LRRC7: variants seen among roughly 807,000 people sequenced by gnomAD.
LRRC7 encodes leucine-rich repeat-containing protein 7.
LRRC7 carries 23 observed loss-of-function variants against 175.7 expected under a neutral mutation model. The ratio of observed to expected loss-of-function variants is 0.13; its 90% confidence interval spans 0.09 to 0.19. The LOEUF (loss-of-function observed/expected upper bound fraction) is 0.19, where lower values mean the gene tolerates loss of function less well. LRRC7 is among the 10% of genes least tolerant of loss of function. The probability of loss-of-function intolerance (pLI) is 1.00; values close to 1 mark genes in which losing one functional copy is unlikely to be tolerated. For synonymous variants in LRRC7, 685 were observed against 680.9 expected, an observed-to-expected ratio of 1.01 and a Z score of -0.09; for missense variants, 1,354 against 1,904.7, an observed-to-expected ratio of 0.71 and a Z score of 5.38.
intron 26 of LRRC7, among the ~76,000 whole-genome samples, chr1:70,109,920 T>C (rs1320234095): frequency 2.0e-5 from 3 of 152,228 alleles, no homozygotes; most frequent in Non-Finnish European, 2.9e-5. Context: ...CCTACTAGAA[T>C]GTGAAGCTGG....
intron 8 of LRRC7, among the ~76,000 whole-genome samples, chr1:69,950,233 A>T (rs1649778735): frequency 6.6e-6 from 1 of 152,178 alleles, no homozygotes; most frequent in African/African-American, 2.4e-5. Context: ...ATATGGATGG[A>T]TGGATGGATG....
At position 70,135,511 on chromosome 1, in the gene LRRC7, T is replaced by C. The variant is rs935302067; in HGVS notation, c.*13624T>C. Among the ~76,000 whole-genome samples the C allele has an allele frequency of 2.6e-5, 4 of 152,134 alleles. No homozygotes were observed. The highest frequency in any genetic ancestry group is 5.9e-5 in the Non-Finnish European group (4 of 68,018). On this transcript the variant is annotated 3_prime_UTR_variant, in exon 27 of 27. Transcript: ENST00000651989. ...GAAGAGAAGAGAGCAGGAGAAGCTG[T>C]CACTTAAAATGCACTGAGATCCTTT...
chr1:69,590,951 A>T (rs1380257754), intron 1 of LRRC7, among the ~76,000 whole-genome samples: 1 of 152,154 alleles, frequency 6.6e-6, no homozygotes, highest in Non-Finnish European at 1.5e-5. Context: ...ATAAAATGTC[A>T]GAGACAAGTA....
intron 8 of LRRC7, among the ~76,000 whole-genome samples, chr1:69,975,826 A>G (rs772604223): frequency 6.6e-5 from 10 of 151,498 alleles, no homozygotes; most frequent in Admixed American, 2.0e-4. Flanking sequence ...CCTCACTTCT[A>G]TTCAGTGTCA....
chr1:69,636,194 T>C (rs1653327171), intron 1 of LRRC7, among the ~76,000 whole-genome samples: 1 of 152,026 alleles, frequency 6.6e-6, no homozygotes, highest in Non-Finnish European at 1.5e-5. Flanking sequence ...ATTTGTGTTT[T>C]CAGGTCATGC....
intron 2 of LRRC7, among the ~76,000 whole-genome samples, chr1:69,712,622 A>C (rs1664898470): frequency 6.6e-6 from 1 of 152,116 alleles, no homozygotes. Flanking sequence ...AAACAAACCA[A>C]CAACAAAAAA....
At chr1:69,628,350 T>G (rs531015627) in intron 1 of LRRC7, among the ~76,000 whole-genome samples, 1 of 152,192 alleles carries the variant, frequency 6.6e-6, no homozygotes, top group East Asian at 1.9e-4. Flanking sequence ...ACAAGTGAAA[T>G]ATGAAATTAA....
intron 1 of LRRC7, among the ~76,000 whole-genome samples, chr1:69,616,620 A>G (rs539273628): frequency 5.9e-5 from 9 of 152,232 alleles, no homozygotes; most frequent in Non-Finnish European, 1.3e-4. Context: ...GTAATAATGT[A>G]AAGCTCAGAC....
chr1:70,094,916 C>T, intron 25 of LRRC7, among the ~76,000 whole-genome samples: 1 of 152,056 alleles, frequency 6.6e-6, no homozygotes, highest in East Asian at 1.9e-4. Flanking sequence ...CAGGTTTTCT[C>T]CATGGATATA....
At chr1:69,838,185 A>G (rs1167826142) in intron 6 of LRRC7, 42 bp from the exon 7 acceptor site, 2 of 1,422,152 alleles carry the variant, frequency 1.4e-6, no homozygotes, top group Non-Finnish European at 2.0e-6. Context: ...AATTTTTTAG[A>G]CAGACATACT....
chr1:69,572,752 ACT>A (rs1305579502), intron 1 of LRRC7, among the ~76,000 whole-genome samples: 1 of 152,140 alleles, frequency 6.6e-6, no homozygotes, highest in South Asian at 2.1e-4. Flanking sequence ...CTATTTTATA[ACT>A]GCAGGACATA....
At chr1:69,920,030 G>A in intron 7 of LRRC7, 1 of 430,180 alleles carries the variant, frequency 2.3e-6, no homozygotes, top group Non-Finnish European at 4.2e-6. Flanking sequence ...GTCCCCAGTT[G>A]GGGCTGCGAC....
intron 24 of LRRC7, among the ~76,000 whole-genome samples, chr1:70,082,584 A>G (rs1447118833): frequency 6.6e-6 from 1 of 152,132 alleles, no homozygotes; most frequent in Non-Finnish European, 1.5e-5. Context: ...ATGTTGCACT[A>G]AATACATATT....
chr1:69,828,389 T>C (rs1680165081), intron 5 of LRRC7, among the ~76,000 whole-genome samples: 1 of 152,182 alleles, frequency 6.6e-6, no homozygotes, highest in Non-Finnish European at 1.5e-5. Flanking sequence ...GTTACACCAG[T>C]TCAGGTGTTC....
chr1:70,138,666 T>C lies in LRRC7; in HGVS notation c.*16779T>C, dbSNP rs1336701146. On this transcript the variant is annotated 3_prime_UTR_variant, in exon 27 of 27. Coordinates refer to ENST00000651989, the MANE Select transcript of LRRC7 (RefSeq NM_001370785.2). ...AAATTCTCAATACCCTATGAGATTT[T>C]TTAAACTATTTTAGATTCTTACCAG... 1.3e-5 allele frequency: 2 copies of C among 152,218 alleles called. No individual in the cohort carries two copies. Among genetic ancestry groups the C allele is most frequent in the Non-Finnish European group, 2.9e-5 (2 of 68,026 alleles). The allele number at this position is 152,218 out of a possible 1,614,324, so 9.4% of individuals were successfully genotyped here.
intron 8 of LRRC7, among the ~76,000 whole-genome samples, chr1:69,958,993 G>C (rs1227775763): frequency 6.6e-6 from 1 of 152,056 alleles, no homozygotes; most frequent in African/African-American, 2.4e-5. Context: ...GTAAATAATA[G>C]GGTAAGTGAT....
chr1:70,088,421 G>A (rs1371321625), intron 24 of LRRC7, among the ~76,000 whole-genome samples: 1 of 152,032 alleles, frequency 6.6e-6, no homozygotes, highest in Non-Finnish European at 1.5e-5. Flanking sequence ...AATTATTCAG[G>A]CATGGTGGCA....
At chr1:69,822,980 T>C (rs1679475973) in intron 4 of LRRC7, among the ~76,000 whole-genome samples, 1 of 152,190 alleles carries the variant, frequency 6.6e-6, no homozygotes, top group Admixed American at 6.6e-5. Flanking sequence ...ATTAGTTTGG[T>C]GGTGTATAGG....
chr1:70,125,741 G>C lies in LRRC7; in HGVS notation c.*3854G>C, dbSNP rs1419655060. ...CAGGAGGCGGAGCTTGCAGTGAGCC[G>C]AGATCCCGCCACTGCACTCCAGCCT... On this transcript the variant is annotated 3_prime_UTR_variant, in exon 27 of 27. Coordinates refer to ENST00000651989, the MANE Select transcript of LRRC7 (RefSeq NM_001370785.2). 7.5e-6 allele frequency among the ~76,000 whole-genome samples: 1 copy of C among 132,938 alleles called. No individual in the cohort carries two copies. The highest frequency in any genetic ancestry group is 1.6e-5 in the Non-Finnish European group (1 of 64,392). The allele number at this position is 132,938 out of a possible 152,430, so 87.2% of individuals were successfully genotyped here. A position where few individuals can be genotyped will look rare whatever the true frequency, so the allele number is the denominator to read the frequency against.
Sources: gnomAD v4.1 joint callset for allele counts (sites outside exome capture counted in the v4.1 genomes callset) on GRCh38, gnomAD v4.1.1 for gene constraint, MANE v1.5 for transcripts, NCBI Gene and HGNC (gene_info 2026-07-23, HGNC 2026-07-21) for gene names.